Variants in GPC6 observed in about 807,000 individuals in gnomAD.
The protein encoded by GPC6 is glypican 6, also known as glypican-6.
Under a neutral mutation model 55.2 loss-of-function variants are expected in GPC6, and 14 were observed. The ratio of observed to expected loss-of-function variants is 0.25; its 90% CI spans 0.17 to 0.40. The LOEUF (loss-of-function observed/expected upper bound fraction) is 0.40. Among genes scored for constraint, GPC6 ranks in the 10% least tolerant of loss-of-function variants. The probability of loss-of-function intolerance (pLI) is 1.00; values close to 1 mark genes in which losing one functional copy is unlikely to be tolerated. For synonymous variants in GPC6, 278 were observed against 259.6 expected, an observed-to-expected ratio of 1.07 and a Z score of -0.68; for missense variants, 641 against 708.5, an observed-to-expected ratio of 0.90 and a Z score of 1.08.
chr13:93,410,167 A>T (rs1876442318), intron 1 of GPC6, among the ~76,000 whole-genome samples: 1 of 152,182 alleles, frequency 6.6e-6, no homozygotes, highest in Admixed American at 6.5e-5. Context: ...TTTATTCTAT[A>T]GTTATTCACT....
At chr13:93,884,715 C>A (rs982400956) in intron 3 of GPC6, among the ~76,000 whole-genome samples, 1 of 152,032 alleles carries the variant, frequency 6.6e-6, no homozygotes, top group Non-Finnish European at 1.5e-5. Flanking sequence ...TTATTTTAAA[C>A]GTCCCTCCAT....
In GPC6 at chr13:93,830,408, A is replaced by C. The variant is rs543472088; in HGVS notation, c.574A>C (p.Lys192Gln). 6.2e-7 allele frequency: 1 copy of C among 1,614,000 alleles called. No individual in the cohort carries two copies. Among genetic ancestry groups the C allele is most frequent in the East Asian group, 2.2e-5 (1 of 44,844 alleles). The change falls in exon 3 of 9, where the codon AAA becomes CAA. Residue 192 changes from lysine (K) to glutamine (Q), a missense_variant. Transcript: ENST00000377047. ...TGAAGACTACCTGGAATGTGTGAGC[A>C]AATACACTGACCAGCTCAAGCCATT... ...FSEDYLECVS[K>Q]YTDQLKPFGD...
At chr13:93,424,842 A>G (rs1252443838) in intron 1 of GPC6, among the ~76,000 whole-genome samples, 1 of 152,148 alleles carries the variant, frequency 6.6e-6, no homozygotes, top group Non-Finnish European at 1.5e-5. Context: ...TTTCCCGTAG[A>G]TTATTTGGAA....
chr13:93,222,900 T>C (rs543385578), upstream of GPC6, among the ~76,000 whole-genome samples: 36 of 152,296 alleles, frequency 2.4e-4, no homozygotes, highest in Admixed American at 2.0e-3. Flanking sequence ...CATCCCTCCA[T>C]TGTCATTGTC....
At chr13:93,780,528 G>A (rs554257050) in intron 2 of GPC6, among the ~76,000 whole-genome samples, 1 of 150,832 alleles carries the variant, frequency 6.6e-6, no homozygotes, top group East Asian at 2.0e-4. Context: ...TAAACAGCTG[G>A]CACTCTAACT....
chr13:93,809,459 T>C (rs1354358093), intron 2 of GPC6, among the ~76,000 whole-genome samples: 1 of 152,184 alleles, frequency 6.6e-6, no homozygotes, highest in African/African-American at 2.4e-5. Context: ...GACTCTAGGG[T>C]ATAATTTAAA....
intron 4 of GPC6, among the ~76,000 whole-genome samples, chr13:94,070,339 A>C (rs1884684657): frequency 6.6e-6 from 1 of 152,230 alleles, no homozygotes; most frequent in Non-Finnish European, 1.5e-5. Context: ...TCGGAGTTAC[A>C]GTTCAAGATG....
intron 3 of GPC6, among the ~76,000 whole-genome samples, chr13:93,846,466 T>C (rs1888183606): frequency 6.6e-6 from 1 of 152,218 alleles, no homozygotes; most frequent in African/African-American, 2.4e-5. Flanking sequence ...CAAAACTCAA[T>C]GGTCTATGGT....
intron 4 of GPC6, among the ~76,000 whole-genome samples, chr13:94,276,279 G>T (rs1892199627): frequency 6.6e-6 from 1 of 152,084 alleles, no homozygotes; most frequent in African/African-American, 2.4e-5. Context: ...TGATAACAAG[G>T]CTGTGTTTAG....
chr13:94,087,307 C>T (rs564905680), intron 4 of GPC6, among the ~76,000 whole-genome samples: 1 of 152,202 alleles, frequency 6.6e-6, no homozygotes, highest in Admixed American at 6.5e-5. Flanking sequence ...GGGAAACAGA[C>T]CAGAATCAGG....
chr13:93,709,589 T>C (rs1035407412), intron 2 of GPC6, among the ~76,000 whole-genome samples: 2 of 151,858 alleles, frequency 1.3e-5, no homozygotes, highest in Non-Finnish European at 2.9e-5. Context: ...GAAATTCTGT[T>C]GTCAATTACT....
At chr13:93,870,486 T>C (rs1476054892) in intron 3 of GPC6, among the ~76,000 whole-genome samples, 1 of 151,884 alleles carries the variant, frequency 6.6e-6, no homozygotes, top group African/African-American at 2.4e-5. Context: ...CAATTGTTTT[T>C]CTAGTTATAT....
intron 5 of GPC6, among the ~76,000 whole-genome samples, chr13:94,301,030 C>G (rs2139104946): frequency 6.6e-6 from 1 of 152,112 alleles, no homozygotes; most frequent in East Asian, 1.9e-4. Context: ...CTTTGGAACA[C>G]CAGTCTTATG....
chr13:93,301,704 G>T (rs535885868), intron 1 of GPC6, among the ~76,000 whole-genome samples: 1 of 152,186 alleles, frequency 6.6e-6, no homozygotes, highest in African/African-American at 2.4e-5. Flanking sequence ...TTATAGCTTG[G>T]GGGTAACTGG....
intron 4 of GPC6, among the ~76,000 whole-genome samples, chr13:94,240,456 C>T (rs1486005569): frequency 6.6e-6 from 1 of 151,874 alleles, no homozygotes; most frequent in Non-Finnish European, 1.5e-5. Flanking sequence ...GGTCTAAAGC[C>T]GTAAGGATAA....
intron 1 of GPC6, among the ~76,000 whole-genome samples, chr13:93,543,048 C>T (rs1311594378): frequency 2.0e-5 from 3 of 152,156 alleles, no homozygotes; most frequent in Non-Finnish European, 2.9e-5. Flanking sequence ...GTGGCCAGAA[C>T]TTCCGACACT....
intron 2 of GPC6, among the ~76,000 whole-genome samples, chr13:93,822,723 T>A (rs1029074853): frequency 3.3e-5 from 5 of 151,932 alleles, no homozygotes; most frequent in Admixed American, 3.3e-4. Flanking sequence ...TGTGTTAGTT[T>A]GCTGAGAATG....
chr13:94,239,673 A>G (rs537092303), intron 4 of GPC6, among the ~76,000 whole-genome samples: 28 of 152,168 alleles, frequency 1.8e-4, no homozygotes, highest in Admixed American at 1.4e-3. Flanking sequence ...TATTCTTGCG[A>G]AATGATAGTT....
chr13:93,677,335 A>G (rs1881673097), intron 2 of GPC6, among the ~76,000 whole-genome samples: 1 of 152,154 alleles, frequency 6.6e-6, no homozygotes, highest in Non-Finnish European at 1.5e-5. Context: ...TAGTTTCTCT[A>G]GATGATGGTA....
Sources: allele counts gnomAD v4.1 joint callset (sites outside exome capture counted in the v4.1 genomes callset), GRCh38; gene constraint gnomAD v4.1.1; transcripts MANE v1.5; gene names NCBI Gene and HGNC (gene_info 2026-07-23, HGNC 2026-07-21).